Variants in FNDC1 observed in about 807,000 individuals in gnomAD.
The protein encoded by FNDC1 is fibronectin type III domain containing 1.
FNDC1 carries 96 observed loss-of-function variants against 168.0 expected under a neutral mutation model. That is an observed-to-expected ratio of 0.57 (90% CI 0.48 to 0.68). The LOEUF (loss-of-function observed/expected upper bound fraction) is 0.68, where lower values mean the gene tolerates loss of function less well. Among genes scored for constraint, FNDC1 ranks in the 30% least tolerant of loss-of-function variants. FNDC1 has a pLI of 0.00. For synonymous variants in FNDC1, 1,099 were observed against 1,025.9 expected (o/e 1.07, Z -1.36); for missense variants, 2,587 against 2,482.1 (o/e 1.04, Z -0.90).
intron 22 of FNDC1, among the ~76,000 whole-genome samples, chr6:159,269,483 TATCTATCTATCTATCTATCC>T (rs1777683514): frequency 4.8e-5 from 6 of 126,264 alleles, no homozygotes; most frequent in African/African-American, 2.0e-4. Context: ...TCTATCTATC[TATCTATCTATCTATCTATCC>T]ATCCATCCAT....
chr6:159,193,114 A>G (rs758395025), intron 1 of FNDC1, among the ~76,000 whole-genome samples: 18 of 152,012 alleles, frequency 1.2e-4, no homozygotes, highest in Non-Finnish European at 2.4e-4. Context: ...CCAACAGCTC[A>G]TGTGTGTATG....
intron 9 of FNDC1, among the ~76,000 whole-genome samples, chr6:159,229,212 T>G (rs943995545): frequency 2.6e-5 from 4 of 152,250 alleles, no homozygotes; most frequent in African/African-American, 9.6e-5. Context: ...AAACATTAGC[T>G]ATCACATAAA....
At chr6:159,265,145 G>A (rs616504) in intron 20 of FNDC1, 141 bp downstream of exon 20, 107,261 of 663,194 alleles carry the variant, frequency 0.16, 10,376 homozygotes, top group East Asian at 0.39. Context: ...CCTTGCACTC[G>A]TCATCCTGAT....
chr6:159,172,001 G>A (rs1781671930), intron 1 of FNDC1, among the ~76,000 whole-genome samples: 1 of 152,198 alleles, frequency 6.6e-6, no homozygotes. Flanking sequence ...GAGAATCAAG[G>A]CAGGGACATC....
chr6:159,269,258 A>G (rs1445602698), intron 22 of FNDC1, among the ~76,000 whole-genome samples: 11 of 6,898 alleles, frequency 1.6e-3, no homozygotes, highest in African/African-American at 0.011. Context: ...TCCATCTATC[A>G]TCTATCTATC....
Position 159,234,353 on chromosome 6 carries a change from T to A in FNDC1, c.3841T>A (p.Tyr1281Asn). The A allele has an allele frequency of 6.2e-7, 1 of 1,611,770 alleles. No homozygotes were observed. Residue 1281 changes from tyrosine to asparagine, a missense_variant, in exon 11 of 23, where the codon TAC (tyrosine) becomes AAC (asparagine). Coordinates refer to ENST00000297267, the MANE Select transcript of FNDC1 (RefSeq NM_032532.3). ...CGCGGGCACCCACCCCTGGCCGCAG[T>A]ACACCACGCGCGCCCCACCTGGCCA... ...PVAGTHPWPQ[Y>N]TTRAPPGHFS...
intron 1 of FNDC1, among the ~76,000 whole-genome samples, chr6:159,172,857 C>T (rs186951894): frequency 4.8e-4 from 73 of 152,244 alleles, no homozygotes; most frequent in Non-Finnish European, 5.4e-4. Context: ...TGGGTTTTCT[C>T]CAAGCAAAAC....
Position 159,231,361 on chromosome 6 carries a change from G to A in FNDC1, c.1370-521G>A, listed in dbSNP as rs1783078532. ...CTGCAGTCCGCAGTCCGGCCTGGGC[G>A]ACAGAGCGAGACTCCGTCTCAAAAA... On this transcript the variant is annotated intron_variant, in intron 10 of 22. Coordinates refer to ENST00000297267, the MANE Select transcript of FNDC1 (RefSeq NM_032532.3). Among the ~76,000 whole-genome samples, 2 of 28,410 alleles carry A rather than the reference G, an allele frequency of 7.0e-5. 1 individual carries two copies. Among genetic ancestry groups the A allele is most frequent in the African/African-American group, 1.1e-4 (2 of 18,454 alleles). 18.6% of individuals were successfully genotyped at this position (28,410 alleles called of 152,430 possible).
At chr6:159,182,507 C>T (rs921524198) in intron 1 of FNDC1, among the ~76,000 whole-genome samples, 1 of 152,182 alleles carries the variant, frequency 6.6e-6, no homozygotes, top group African/African-American at 2.4e-5. Flanking sequence ...CTCTGATTAT[C>T]CTAGCTTTGG....
intron 1 of FNDC1, among the ~76,000 whole-genome samples, chr6:159,177,068 G>A (rs760988741): frequency 1.3e-5 from 2 of 152,152 alleles, no homozygotes; most frequent in South Asian, 2.1e-4. Context: ...TTTATAGTGC[G>A]GGTCTTGAAC....
Position 159,232,356 on chromosome 6 carries a change from C to A in FNDC1, c.1844C>A (p.Ser615Ter). 2 of 1,613,584 alleles carry A rather than the reference C, an allele frequency of 1.2e-6. No homozygotes were observed. The highest frequency in any genetic ancestry group is 1.7e-6 in the Non-Finnish European group (2 of 1,179,734). Residue 615 changes from serine to a stop codon, truncating the protein, a stop_gained, in exon 11 of 23, where the codon TCG (serine) becomes TAG (stop). Transcript: ENST00000297267. LOFTEE classifies it high-confidence loss of function. The surrounding 1 kb of genome is among the most constrained non-coding windows in gnomAD (Gnocchi z 4.9). The part of the protein sequence containing the change: ...ATQPRPGAPP[S>*]ASASPAHHAS... ...CAGCCCCGCCCAGGGGCGCCCCCCT[C>A]GGCTTCGGCCTCTCCTGCCCACCAC... is the stretch of plus-strand genomic sequence containing the variant.
intron 5 of FNDC1, among the ~76,000 whole-genome samples, chr6:159,220,097 AT>A (rs1782789576): frequency 6.6e-6 from 1 of 152,206 alleles, no homozygotes; most frequent in Non-Finnish European, 1.5e-5. Flanking sequence ...TAATTTACTC[AT>A]TTATGGCTAG....
At chr6:159,248,036 T>C (rs573807047) in intron 15 of FNDC1, among the ~76,000 whole-genome samples, 4 of 152,340 alleles carry the variant, frequency 2.6e-5, no homozygotes, top group South Asian at 2.1e-4. Context: ...AATGTCACCT[T>C]TGATGTGTTA....
chr6:159,260,098 T>G (rs1489133152), intron 18 of FNDC1, among the ~76,000 whole-genome samples: 1 of 152,254 alleles, frequency 6.6e-6, no homozygotes, highest in African/African-American at 2.4e-5. Context: ...TTTTATAACA[T>G]TTAAGTGTGA....
intron 18 of FNDC1, among the ~76,000 whole-genome samples, chr6:159,258,207 C>A (rs111955857): frequency 1.3e-5 from 2 of 152,086 alleles, no homozygotes; most frequent in Non-Finnish European, 2.9e-5. Context: ...ACTTCCTGAG[C>A]GCAAGGTGGA....
At chr6:159,240,947 A>T (rs923063954) in intron 14 of FNDC1, 3 of 152,248 alleles carry the variant, frequency 2.0e-5, no homozygotes, top group Non-Finnish European at 4.4e-5. Flanking sequence ...ATTCTTATGC[A>T]ACGTTATTGA....
chr6:159,184,931 A>G (rs535238779), intron 1 of FNDC1, among the ~76,000 whole-genome samples: 48 of 152,218 alleles, frequency 3.2e-4, no homozygotes, highest in Non-Finnish European at 6.2e-4. Context: ...GGAAGGCATG[A>G]GCCCTTCCCA....
Position 159,229,962 on chromosome 6 carries a change from T to C in FNDC1, c.1328T>C (p.Leu443Pro), listed in dbSNP as rs1392130941. 1 of 1,613,830 alleles carries C rather than the reference T, an allele frequency of 6.2e-7. No individual in the cohort carries two copies. The highest frequency in any genetic ancestry group is 8.5e-7 in the Non-Finnish European group (1 of 1,179,868). ...FKIRATNRRGLGPHSKAFIVA... is the reference protein window; with the variant it reads ...FKIRATNRRGPGPHSKAFIVA... ...ATCCGGGCCACAAACAGGAGAGGCCTGGGACCTCACTCCAAAGCCTTCATT... is the reference window on the plus strand; with the variant it reads ...ATCCGGGCCACAAACAGGAGAGGCCCGGGACCTCACTCCAAAGCCTTCATT... The change falls in exon 10 of 23, where the codon CTG becomes CCG. Residue 443 changes from leucine (L) to proline (P), a missense_variant. Physicochemically the swap from Leu to Pro is moderately conservative, Grantham distance 98. Coordinates refer to ENST00000297267, the MANE Select transcript of FNDC1 (RefSeq NM_032532.3).
intron 15 of FNDC1, 39 bp from the exon 16 acceptor site, chr6:159,249,000 C>G: frequency 6.4e-7 from 1 of 1,564,338 alleles, no homozygotes; most frequent in Non-Finnish European, 8.7e-7. Flanking sequence ...TGCTCCTTTT[C>G]TGGCAGTGCC....
Sources: gnomAD v4.1 joint callset for allele counts (sites outside exome capture counted in the v4.1 genomes callset) on GRCh38, gnomAD v4.1.1 for gene constraint, Gnocchi (gnomAD v3.1) non-coding constraint, MANE v1.5 for transcripts, NCBI Gene and HGNC (gene_info 2026-07-23, HGNC 2026-07-21) for gene names.